GRID2: variants seen among roughly 807,000 people sequenced by gnomAD.
GRID2 encodes glutamate receptor ionotropic, delta-2.
GRID2 carries 33 observed loss-of-function variants against 114.8 expected under a neutral mutation model. The observed-to-expected ratio is 0.29, with a 90% CI of 0.22 to 0.38. The LOEUF is 0.38. Among genes scored for constraint, GRID2 ranks in the 10% least tolerant of loss-of-function variants. The pLI, the probability that GRID2 is intolerant of heterozygous loss-of-function variation, is 1.00. For missense variants in GRID2, 1,184 were observed against 1,257.7 expected, an observed-to-expected ratio of 0.94 and a Z score of 0.89; for synonymous variants, 505 against 449.9, an observed-to-expected ratio of 1.12 and a Z score of -1.55.
intron 1 of GRID2, among the ~76,000 whole-genome samples, chr4:92,429,360 C>T (rs894986472): frequency 2.6e-5 from 4 of 152,108 alleles, no homozygotes; most frequent in African/African-American, 4.8e-5. Flanking sequence ...TGTCTTTCTG[C>T]GCCTGGCTTA....
At chr4:92,697,632 C>T (rs930899703) in intron 2 of GRID2, among the ~76,000 whole-genome samples, 1 of 151,936 alleles carries the variant, frequency 6.6e-6, no homozygotes, top group Non-Finnish European at 1.5e-5. Flanking sequence ...TATATGTGAG[C>T]TTTTTTGACA....
chr4:92,339,351 C>T (rs1218224188), intron 1 of GRID2, among the ~76,000 whole-genome samples: 2 of 152,090 alleles, frequency 1.3e-5, no homozygotes, highest in Admixed American at 6.6e-5. Flanking sequence ...AGCTACTGTA[C>T]TCCATATATT....
intron 2 of GRID2, among the ~76,000 whole-genome samples, chr4:92,769,194 A>T (rs1244288737): frequency 6.6e-6 from 1 of 152,224 alleles, no homozygotes; most frequent in Non-Finnish European, 1.5e-5. Context: ...GGCCCTGTGC[A>T]GTCCGAAACC....
intron 2 of GRID2, among the ~76,000 whole-genome samples, chr4:93,066,477 A>G (rs1020594778): frequency 2.0e-5 from 3 of 151,916 alleles, no homozygotes; most frequent in African/African-American, 7.2e-5. Flanking sequence ...CTGGTACTCT[A>G]TGAAATTCCT....
intron 2 of GRID2, among the ~76,000 whole-genome samples, chr4:92,751,474 C>A (rs1392990224): frequency 6.6e-6 from 1 of 152,072 alleles, no homozygotes; most frequent in Non-Finnish European, 1.5e-5. Flanking sequence ...TCCAAAAAGG[C>A]TGTTTGATTT....
intron 2 of GRID2, among the ~76,000 whole-genome samples, chr4:92,748,913 C>T (rs1189116886): frequency 2.6e-5 from 4 of 151,936 alleles, no homozygotes; most frequent in Non-Finnish European, 4.4e-5. Flanking sequence ...ATCTGCCTAC[C>T]GCAGCCTCCC....
At chr4:93,582,660 T>C (rs1430246414) in intron 13 of GRID2, among the ~76,000 whole-genome samples, 1 of 152,172 alleles carries the variant, frequency 6.6e-6, no homozygotes, top group African/African-American at 2.4e-5. Flanking sequence ...TATTTATCTC[T>C]CTCATATTCC....
chr4:93,581,774 T>C (rs193114263), intron 13 of GRID2, among the ~76,000 whole-genome samples: 24 of 152,220 alleles, frequency 1.6e-4, no homozygotes, highest in Non-Finnish European at 2.8e-4. Context: ...GAGAACTCTT[T>C]CTCTATCAAT....
At chr4:92,890,556 C>T (rs1375747038) in intron 2 of GRID2, among the ~76,000 whole-genome samples, 1 of 152,092 alleles carries the variant, frequency 6.6e-6, no homozygotes, top group East Asian at 1.9e-4. Flanking sequence ...AATCAAACCA[C>T]AATGAGATGC....
At chr4:93,349,560 T>C (rs1440005414) in intron 8 of GRID2, among the ~76,000 whole-genome samples, 1 of 152,090 alleles carries the variant, frequency 6.6e-6, no homozygotes, top group Non-Finnish European at 1.5e-5. Context: ...TAGCAGAGTT[T>C]TGCACATAAT....
rs148492921 is a variant in GRID2 at position 92,954,079 on chromosome 4, A to C, written c.245-130916A>C. Among the ~76,000 whole-genome samples the C allele has an allele frequency of 2.2e-3, 328 of 152,306 alleles. 6 individuals are homozygous for C. The highest frequency in any genetic ancestry group is 0.011 in the East Asian group (56 of 5,176). On this transcript the variant is annotated intron_variant, in intron 2 of 15. Transcript: ENST00000282020. ...CATGTATGCACAAATACACATGCAC[A>C]TGAATCCATGTGCAGACACACACAT...
intron 2 of GRID2, among the ~76,000 whole-genome samples, chr4:93,072,081 T>C (rs1045032894): frequency 2.0e-5 from 3 of 152,118 alleles, no homozygotes; most frequent in African/African-American, 7.2e-5. Flanking sequence ...AAGTATGTTA[T>C]AGGAATAATC....
chr4:93,024,933 T>G (rs1437705183), intron 2 of GRID2, among the ~76,000 whole-genome samples: 1 of 151,810 alleles, frequency 6.6e-6, no homozygotes. Flanking sequence ...CTGTTTTATC[T>G]CTGTGAAGCA....
At chr4:92,529,866 T>C (rs1725241851) in intron 1 of GRID2, among the ~76,000 whole-genome samples, 1 of 152,126 alleles carries the variant, frequency 6.6e-6, no homozygotes, top group Admixed American at 6.6e-5. Flanking sequence ...CTTAAATTGC[T>C]GGCAGTAGAG....
Position 93,453,316 on chromosome 4 carries a change from A to AAGAGAGAGAGAGAGAGAG in GRID2, c.1546-2319_1546-2302dup, listed in dbSNP as rs3044025. On this transcript the variant is annotated intron_variant, in intron 10 of 15. Coordinates refer to ENST00000282020, the MANE Select transcript of GRID2 (RefSeq NM_001510.4). ...GACTATACAAAACTCAGAGATGGGA[A>AAGAGAGAGAGAGAGAGAG]AGAGAGAGAGAGAGAGAGAGAGAGA... Among the ~76,000 whole-genome samples, 9 of 127,292 alleles carry AAGAGAGAGAGAGAGAGAG rather than the reference A, an allele frequency of 7.1e-5. No homozygotes were observed. The East Asian group carries it at 1.2e-3, about 17-fold the overall frequency. 83.5% of individuals were successfully genotyped at this position (127,292 alleles called of 152,430 possible).
At chr4:93,284,589 G>C (rs1752958094) in intron 8 of GRID2, among the ~76,000 whole-genome samples, 1 of 151,482 alleles carries the variant, frequency 6.6e-6, no homozygotes, top group Admixed American at 6.6e-5. Context: ...ACAACAGAAG[G>C]ATTATATCTT....
intron 4 of GRID2, among the ~76,000 whole-genome samples, chr4:93,135,782 G>T (rs1207883229): frequency 6.6e-6 from 1 of 152,132 alleles, no homozygotes; most frequent in Non-Finnish European, 1.5e-5. Flanking sequence ...ACCAAGAAGA[G>T]TTACCTTATC....
At chr4:92,905,489 T>C (rs1228309808) in intron 2 of GRID2, among the ~76,000 whole-genome samples, 1 of 152,080 alleles carries the variant, frequency 6.6e-6, no homozygotes, top group Admixed American at 6.6e-5. Context: ...CATTAAAATA[T>C]GATTGAATTT....
rs761610934 is a variant in GRID2 at position 92,527,027 on chromosome 4, A to T, written c.89-63104A>T. Among the ~76,000 whole-genome samples, 20 of 152,050 alleles carry T rather than the reference A, an allele frequency of 1.3e-4. No homozygotes were observed. The Middle Eastern group carries it at 0.017, about 129-fold the overall frequency. The stretch of plus-strand genomic sequence containing the variant: ...GGCATTGTTTTGGTTTTGCTAGGTG[A>T]GTGTTTGTTAACATCAAGGGATGAG... On this transcript the variant is annotated intron_variant, in intron 1 of 15. Transcript: ENST00000282020.
Sources: allele counts gnomAD v4.1 joint callset (sites outside exome capture counted in the v4.1 genomes callset), GRCh38; gene constraint gnomAD v4.1.1; transcripts MANE v1.5; gene names NCBI Gene and HGNC (gene_info 2026-07-23, HGNC 2026-07-21).